The following FBF1 variants were observed in gnomAD, a reference collection of about 807,000 sequenced individuals.
FBF1 encodes the protein fas-binding factor 1.
A neutral mutation model predicts 147.2 loss-of-function variants in FBF1; 119 were observed. That is an observed-to-expected ratio of 0.81 (90% CI 0.70 to 0.94). FBF1 has a LOEUF of 0.94. Among genes scored for constraint, FBF1 ranks in the 40% least tolerant of loss-of-function variants. The pLI is 0.00. For missense variants in FBF1, 1,449 were observed against 1,500.8 expected, an observed-to-expected ratio of 0.97 and a Z score of 0.57; for synonymous variants, 601 against 609.0, an observed-to-expected ratio of 0.99 and a Z score of 0.19.
Position 75,937,944 on chromosome 17 carries a change from C to T in FBF1, c.3+203G>A. On this transcript the variant is annotated intron_variant, in intron 2 of 29. Transcript: ENST00000636174. Reference sequence around the variant, plus strand: ...CAGTGACAGACACTTAAAAACGCTTCCAGCTGGACACTCAGAGTCTCAGAA... The same window carrying T: ...CAGTGACAGACACTTAAAAACGCTTTCAGCTGGACACTCAGAGTCTCAGAA... The T allele has an allele frequency of 8.3e-6, 6 of 724,194 alleles. No individual in the cohort carries two copies. In the South Asian group the frequency reaches 1.1e-4, roughly 13 times the overall value. 44.9% of individuals were successfully genotyped at this position (724,194 alleles called of 1,614,324 possible). A position where few individuals can be genotyped will look rare whatever the true frequency, so the allele number is the denominator to read the frequency against.
chr17:75,940,311 C>G (rs142042557), intron 1 of FBF1, among the ~76,000 whole-genome samples: 1 of 151,600 alleles, frequency 6.6e-6, no homozygotes, highest in East Asian at 2.0e-4. Flanking sequence ...GGCACGATCA[C>G]AGCTCTCATA....
In FBF1 at chr17:75,926,374, T is replaced by C. The variant is rs1165810475; in HGVS notation, c.648A>G (p.Glu216=). 6.2e-7 allele frequency: 1 copy of C among 1,608,224 alleles called. No individual in the cohort carries two copies. The highest frequency in any genetic ancestry group is 8.5e-7 in the Non-Finnish European group (1 of 1,177,356). The part of the protein sequence containing the change: ...PGDTPIRKKE[E]LLFDDGDDIM... ...TGTCATCCCCATCATCAAACAACAA[T>C]TCTTCTTTTTTTCGGATGGGGGTGT... The change falls in exon 11 of 30, where the codon GAA becomes GAG. Residue 216 remains glutamate, a synonymous_variant. Coordinates refer to ENST00000636174, the MANE Select transcript of FBF1 (RefSeq NM_001319193.2).
Position 75,930,055 on chromosome 17 carries a change from C to T in FBF1, c.229-8G>A. ...CTCTGAGATACCTGAAACCTAAGTCCACAATGAGGGTGAGGACACAGATGA... is the reference window on the plus strand; with the variant it reads ...CTCTGAGATACCTGAAACCTAAGTCTACAATGAGGGTGAGGACACAGATGA... On this transcript the variant is annotated splice_region_variant and splice_polypyrimidine_tract_variant and intron_variant, in intron 6 of 29. Transcript: ENST00000636174. 1 of 1,507,058 alleles carries T rather than the reference C, an allele frequency of 6.6e-7. No homozygotes were observed. The highest frequency in any genetic ancestry group is 8.9e-7 in the Non-Finnish European group (1 of 1,118,802). The allele number at this position is 1,507,058 out of a possible 1,614,324, so 93.4% of individuals were successfully genotyped here. A position where few individuals can be genotyped will look rare whatever the true frequency, so the allele number is the denominator to read the frequency against.
In FBF1 at chr17:75,914,004, G is replaced by A; in HGVS notation, c.3038C>T (p.Ala1013Val). The stretch of plus-strand genomic sequence containing the variant: ...CTGCTGCTCTGCCTGCACCTGCTGG[G>A]CCTCGCGCAATGCCCGCTCCCCCTC... Reference protein sequence around the residue: ...YEEGERALREAQQVQAEQQAR... With the variant: ...YEEGERALREVQQVQAEQQAR... Residue 1013 changes from alanine to valine, a missense_variant, in exon 27 of 30, where the codon GCC (alanine) becomes GTC (valine). Physicochemically the swap from Ala to Val is moderately conservative, Grantham distance 64. Coordinates refer to ENST00000636174, the MANE Select transcript of FBF1 (RefSeq NM_001319193.2). 1 of 1,578,466 alleles carries A rather than the reference G, an allele frequency of 6.3e-7. No homozygotes were observed. The highest frequency in any genetic ancestry group is 8.5e-7 in the Non-Finnish European group (1 of 1,169,608).
chr17:75,935,777 T>C, intron 3 of FBF1, 104 bp from the exon 4 acceptor site: 3 of 1,094,352 alleles, frequency 2.7e-6, no homozygotes, highest in Non-Finnish European at 3.9e-6. Context: ...CTTTCAGATG[T>C]TGGGACTTAG....
chr17:75,914,734 C>T lies in FBF1; in HGVS notation c.2814+13G>A. On this transcript the variant is annotated intron_variant, in intron 25 of 29. Coordinates refer to ENST00000636174, the MANE Select transcript of FBF1 (RefSeq NM_001319193.2). The stretch of plus-strand genomic sequence containing the variant: ...CCCTGGGCCCTCCACTGTCCGGAGG[C>T]TCTGGGCCCTACCTTGGCCAGGCTG... 1.9e-6 allele frequency: 3 copies of T among 1,547,904 alleles called. No individual in the cohort carries two copies. Among genetic ancestry groups the T allele is most frequent in the Non-Finnish European group, 2.6e-6 (3 of 1,146,566 alleles).
Position 75,914,154 on chromosome 17 carries a change from G to A in FBF1, c.2959C>T (p.Leu987Phe). ...RINATALRVK[L>F]RAEEVESMSK... ...ATGCTCTCCACCTCCTCGGCGCGGA[G>A]CTTGACACGCAGGGCGGTGGCGTTG... The change falls in exon 26 of 30, where the codon CTC becomes TTC. Residue 987 changes from leucine to phenylalanine, a missense_variant. Physicochemically the swap from Leu to Phe is conservative, Grantham distance 22. Coordinates refer to ENST00000636174, the MANE Select transcript of FBF1 (RefSeq NM_001319193.2). 6.2e-7 allele frequency: 1 copy of A among 1,602,204 alleles called. No homozygotes were observed. The highest frequency in any genetic ancestry group is 8.5e-7 in the Non-Finnish European group (1 of 1,176,808).
intron 28 of FBF1, among the ~76,000 whole-genome samples, chr17:75,912,902 T>C (rs1418823272): frequency 1.3e-5 from 2 of 151,966 alleles, no homozygotes; most frequent in African/African-American, 2.4e-5. Context: ...TAGCCAGGCA[T>C]GGTAGCACAT....
rs1009327497 is a variant in FBF1 at position 75,919,137 on chromosome 17, C to T, written c.2138+531G>A. 1.3e-5 allele frequency among the ~76,000 whole-genome samples: 2 copies of T among 151,118 alleles called. No homozygotes were observed. Among genetic ancestry groups the T allele is most frequent in the African/African-American group, 4.9e-5 (2 of 41,120 alleles). On this transcript the variant is annotated intron_variant, in intron 20 of 29. Coordinates refer to ENST00000636174, the MANE Select transcript of FBF1 (RefSeq NM_001319193.2). The surrounding 1 kb of genome is among the most constrained non-coding windows in gnomAD (Gnocchi z 5.0). ...GCCCAGACTGGTCTCAAACTCCTGG[C>T]CTCAAGTGATCCTCCCACCTCGGCC...
At position 75,921,499 on chromosome 17, in the gene FBF1, T is replaced by A. The variant is rs765350156; in HGVS notation, c.1588A>T (p.Thr530Ser). 1 of 1,612,824 alleles carries A rather than the reference T, an allele frequency of 6.2e-7. No individual in the cohort carries two copies. The highest frequency in any genetic ancestry group is 2.2e-5 in the East Asian group (1 of 44,872). Residue 530 changes from threonine to serine, a missense_variant, in exon 16 of 30, where the codon ACA (threonine) becomes TCA (serine). Coordinates refer to ENST00000636174, the MANE Select transcript of FBF1 (RefSeq NM_001319193.2). ...ALPTGSPKRG[T>S]APGDLSATEP... ...GTGGCTGAGAGGTCTCCAGGGGCTG[T>A]TCCCCTCTTTGGGGAACCTGTAGGG...
In FBF1 at chr17:75,909,690, G is replaced by A. The variant is rs554095683; in HGVS notation, c.*1033C>T. On this transcript the variant is annotated 3_prime_UTR_variant, in exon 30 of 30. Transcript: ENST00000636174. Reference sequence around the variant, plus strand: ...CAGCTGCCAGGTGCCACCGCAGACCGCAGGTGCTGGAGGGGAGAGGCACGT... The same window carrying A: ...CAGCTGCCAGGTGCCACCGCAGACCACAGGTGCTGGAGGGGAGAGGCACGT... 13 of 573,442 alleles carry A rather than the reference G, an allele frequency of 2.3e-5. No homozygotes were observed. Among genetic ancestry groups the A allele is most frequent in the East Asian group, 1.1e-4 (4 of 35,814 alleles). 35.5% of individuals were successfully genotyped at this position (573,442 alleles called of 1,614,324 possible). A position where few individuals can be genotyped will look rare whatever the true frequency, so the allele number is the denominator to read the frequency against.
chr17:75,939,024 G>A (rs2065642365), intron 1 of FBF1, among the ~76,000 whole-genome samples: 1 of 151,938 alleles, frequency 6.6e-6, no homozygotes, highest in South Asian at 2.1e-4. Context: ...GGCTGGGCGC[G>A]GTGGCTCACA....
chr17:75,918,334 T>C lies in FBF1; in HGVS notation c.2139-65A>G, dbSNP rs2065502600. On this transcript the variant is annotated intron_variant, in intron 20 of 29. Coordinates refer to ENST00000636174, the MANE Select transcript of FBF1 (RefSeq NM_001319193.2). This position sits in a 1 kb window ranked among gnomAD's most constrained non-coding sequence, Gnocchi z 5.8. ...GGATCACCCTGATGCGGTAACTCCTTGTGGAAGGGTGTGTTTCCGTGCAGC... is the reference window on the plus strand; with the variant it reads ...GGATCACCCTGATGCGGTAACTCCTCGTGGAAGGGTGTGTTTCCGTGCAGC... 4 of 1,345,492 alleles carry C rather than the reference T, an allele frequency of 3.0e-6. No homozygotes were observed. Among genetic ancestry groups the C allele is most frequent in the Non-Finnish European group, 3.1e-6 (3 of 964,802 alleles). 83.3% of individuals were successfully genotyped at this position (1,345,492 alleles called of 1,614,324 possible). A position where few individuals can be genotyped will look rare whatever the true frequency, so the allele number is the denominator to read the frequency against.
chr17:75,929,955 A>ACC, intron 7 of FBF1, 42 bp downstream of exon 7: 3 of 228,256 alleles, frequency 1.3e-5, no homozygotes, highest in African/African-American at 5.8e-5. Context: ...ACCCCACCCC[A>ACC]CCCACCCCCA....
Position 75,910,691 on chromosome 17 carries a change from ACCCT to A in FBF1, c.*28_*31del, listed in dbSNP as rs769266067. On this transcript the variant is annotated 3_prime_UTR_variant, in exon 30 of 30. Coordinates refer to ENST00000636174, the MANE Select transcript of FBF1 (RefSeq NM_001319193.2). This position sits in a 1 kb window ranked among gnomAD's most constrained non-coding sequence, Gnocchi z 4.1. Reference sequence around the variant, plus strand: ...GGAACAGGACAGTTCTGGGGTCCGAACCCTCTGTTGGGGAATCGGCTGGGGTCCC... The same window carrying A: ...GGAACAGGACAGTTCTGGGGTCCGAACTGTTGGGGAATCGGCTGGGGTCCC... The A allele has an allele frequency of 1.3e-6, 2 of 1,585,792 alleles. No individual in the cohort carries two copies. The highest frequency in any genetic ancestry group is 1.7e-6 in the Non-Finnish European group (2 of 1,164,606).
chr17:75,938,278 G>A (rs2065637382), intron 1 of FBF1, 46 bp from the exon 2 acceptor site: 1 of 1,412,432 alleles, frequency 7.1e-7, no homozygotes. Flanking sequence ...ATGTAGCTTT[G>A]GCTGGGCGCC....
In FBF1 at chr17:75,915,097, T is replaced by C. The variant is rs751647982; in HGVS notation, c.2548A>G (p.Met850Val). The C allele has an allele frequency of 1.2e-5, 19 of 1,612,434 alleles. No individual in the cohort carries two copies. Among genetic ancestry groups the C allele is most frequent in the Non-Finnish European group, 1.4e-5 (17 of 1,179,732 alleles). ...VTAEQSKAES[M>V]QRALEEQRKV... ...CTTTGCTCCTCTAGGGCGCGCTGCA[T>C]GGACTCCGCCTTGGACTGCTCGGCA... The change falls in exon 24 of 30, where the codon ATG (methionine) becomes GTG (valine). Residue 850 changes from methionine to valine, a missense_variant. Transcript: ENST00000636174.
In FBF1 at chr17:75,917,914, G is replaced by A. The variant is rs372395482; in HGVS notation, c.2386+17C>T. The A allele has an allele frequency of 5.1e-4, 815 of 1,591,620 alleles. No homozygotes were observed. Among genetic ancestry groups the A allele is most frequent in the Non-Finnish European group, 6.7e-4 (785 of 1,168,574 alleles). On this transcript the variant is annotated intron_variant, in intron 22 of 29. Coordinates refer to ENST00000636174, the MANE Select transcript of FBF1 (RefSeq NM_001319193.2). ...CTTCCCACCAGGAGCCGGGGTGGCTGAGAGGGGAGGGCGTACCCCGCAGCT... is the reference window on the plus strand; with the variant it reads ...CTTCCCACCAGGAGCCGGGGTGGCTAAGAGGGGAGGGCGTACCCCGCAGCT...
In FBF1 at chr17:75,926,396, G is replaced by T; in HGVS notation, c.626C>A (p.Thr209Asn). Residue 209 changes from threonine to asparagine, a missense_variant, in exon 11 of 30, where the codon ACC becomes AAC. Physicochemically the swap from Thr to Asn is moderately conservative, Grantham distance 65. Transcript: ENST00000636174. ...CAATTCTTCTTTTTTTCGGATGGGG[G>T]TGTCCCCAGGAGTTAGAGGAATAGA... Reference protein sequence around the residue: ...GPSIPLTPGDTPIRKKEELLF... With the variant: ...GPSIPLTPGDNPIRKKEELLF... 8 of 1,597,566 alleles carry T rather than the reference G, an allele frequency of 5.0e-6. No individual in the cohort carries two copies. The highest frequency in any genetic ancestry group is 6.8e-6 in the Non-Finnish European group (8 of 1,171,908).
Sources: allele counts gnomAD v4.1 joint callset (sites outside exome capture counted in the v4.1 genomes callset), GRCh38; gene constraint gnomAD v4.1.1; non-coding constraint Gnocchi (gnomAD v3.1); transcripts MANE v1.5; gene names NCBI Gene and HGNC (gene_info 2026-07-23, HGNC 2026-07-21).